LINGO2: variants seen among roughly 807,000 people sequenced by gnomAD.
The protein encoded by LINGO2 is leucine rich repeat and Ig domain containing 2.
LINGO2 carries 14 observed loss-of-function variants against 30.6 expected under a neutral mutation model. The observed-to-expected ratio is 0.46, with a 90% CI of 0.30 to 0.72. The LOEUF is 0.72. LINGO2 is among the 30% of genes least tolerant of loss of function. LINGO2 has a pLI of 0.07. For missense variants in LINGO2, 729 were observed against 751.7 expected (o/e 0.97, Z 0.35); for synonymous variants, 317 against 288.5 (o/e 1.10, Z -1.00).
chr9:28,889,564 T>C, the LINGO2 span, among the ~76,000 whole-genome samples: 1 of 152,104 alleles, frequency 6.6e-6, no homozygotes, highest in Non-Finnish European at 1.5e-5. Context: ...TATAATGTTA[T>C]TGAAGTTGTC....
At chr9:28,473,428 C>A (rs1181599060) in intron 2 of LINGO2, among the ~76,000 whole-genome samples, 1 of 151,930 alleles carries the variant, frequency 6.6e-6, no homozygotes, top group Non-Finnish European at 1.5e-5. Context: ...CACACACATA[C>A]ACATACACAC....
chr9:28,787,951 A>T, the LINGO2 span, among the ~76,000 whole-genome samples: 2 of 152,178 alleles, frequency 1.3e-5, no homozygotes, highest in African/African-American at 4.8e-5. Flanking sequence ...CAAATGTTTT[A>T]AACAATATCT....
the LINGO2 span, among the ~76,000 whole-genome samples, chr9:29,031,272 G>GGTGATTT: frequency 6.8e-6 from 1 of 146,370 alleles, no homozygotes; most frequent in Admixed American, 6.9e-5. Flanking sequence ...TGGTGGTGGT[G>GGTGATTT]ATTTATTTAT....
chr9:28,012,335 T>G (rs1340604420), intron 5 of LINGO2: 1 of 152,112 alleles, frequency 6.6e-6, no homozygotes, highest in African/African-American at 2.4e-5. Flanking sequence ...AATGGAGAGT[T>G]TAAAAAGTTT....
intron 5 of LINGO2, among the ~76,000 whole-genome samples, chr9:27,974,687 T>A (rs577158966): frequency 6.6e-6 from 1 of 152,256 alleles, no homozygotes; most frequent in Admixed American, 6.5e-5. Flanking sequence ...CCATAAACAG[T>A]TGGGCTTAAC....
At chr9:28,659,192 G>T (rs1828486270) in intron 1 of LINGO2, among the ~76,000 whole-genome samples, 1 of 151,916 alleles carries the variant, frequency 6.6e-6, no homozygotes. Context: ...CAGAAGAAAA[G>T]AAGACTGAAA....
the LINGO2 span, among the ~76,000 whole-genome samples, chr9:29,075,348 T>C: frequency 6.6e-6 from 1 of 152,210 alleles, no homozygotes; most frequent in African/African-American, 2.4e-5. Flanking sequence ...ATAAACATTC[T>C]CTTTTCATTC....
chr9:29,039,053 A>G, the LINGO2 span, among the ~76,000 whole-genome samples: 2 of 152,164 alleles, frequency 1.3e-5, no homozygotes, highest in African/African-American at 4.8e-5. Flanking sequence ...CTGTCTTTTC[A>G]GGTTGATCTA....
chr9:28,327,009 G>T (rs1011820967), intron 3 of LINGO2, among the ~76,000 whole-genome samples: 1 of 152,158 alleles, frequency 6.6e-6, no homozygotes, highest in Non-Finnish European at 1.5e-5. Context: ...GATCTTCAAT[G>T]TGGTGGCATT....
Position 28,476,712 on chromosome 9 carries a change from G to A in LINGO2, c.-364-687C>T, listed in dbSNP as rs114259069. Among the ~76,000 whole-genome samples the A allele has an allele frequency of 7.6e-4, 116 of 152,248 alleles. 1 individual carries two copies. Among genetic ancestry groups the A allele is most frequent in the African/African-American group, 2.5e-3 (105 of 41,566 alleles). ...AACGTAATGAAGAGAAAACAGACCG[G>A]AAGGAGACAAGACTTGCTGTGTCCG... On this transcript the variant is annotated intron_variant, in intron 1 of 5. Transcript: ENST00000379992.
the LINGO2 span, among the ~76,000 whole-genome samples, chr9:29,038,211 T>C: frequency 2.6e-5 from 4 of 152,094 alleles, no homozygotes; most frequent in African/African-American, 7.2e-5. Flanking sequence ...TCCAAAGTGG[T>C]TGTATCGGTT....
chr9:28,527,665 C>T (rs1821085708), intron 1 of LINGO2, among the ~76,000 whole-genome samples: 1 of 152,152 alleles, frequency 6.6e-6, no homozygotes, highest in Non-Finnish European at 1.5e-5. Context: ...GGACGACATA[C>T]CCCTGCTCTG....
chr9:29,081,393 A>G, the LINGO2 span, among the ~76,000 whole-genome samples: 1 of 152,202 alleles, frequency 6.6e-6, no homozygotes, highest in Non-Finnish European at 1.5e-5. Flanking sequence ...CCTTCATGCT[A>G]TAAACGCTCA....
the LINGO2 span, among the ~76,000 whole-genome samples, chr9:29,130,733 C>G: frequency 6.6e-6 from 1 of 150,950 alleles, no homozygotes; most frequent in Non-Finnish European, 1.5e-5. Context: ...CCAGCAACCC[C>G]AAATCAGGCC....
At chr9:28,104,266 GTTTTTT>G (rs74180789) in intron 4 of LINGO2, among the ~76,000 whole-genome samples, 1 of 97,430 alleles carries the variant, frequency 1.0e-5, no homozygotes, top group African/African-American at 3.8e-5. Context: ...TTTTTTGTTT[GTTTTTT>G]TTTTTTTTTT....
At chr9:29,082,062 G>T in the LINGO2 span, among the ~76,000 whole-genome samples, 1 of 152,128 alleles carries the variant, frequency 6.6e-6, no homozygotes, top group Middle Eastern at 3.4e-3. Context: ...TTTCTTCACA[G>T]AATTGGAAAA....
Position 28,665,887 on chromosome 9 carries a change from G to A in LINGO2, c.-365+4313C>T, listed in dbSNP as rs187766711. Among the ~76,000 whole-genome samples the A allele has an allele frequency of 2.9e-3, 430 of 146,350 alleles. 3 individuals are homozygous for A. Among genetic ancestry groups the A allele is most frequent in the African/African-American group, 0.01 (417 of 40,186 alleles). ...GAGTACCAGACCATAGATATTTGGT[G>A]TTACTTTTTTTTTTTTTTTTTTGAG... On this transcript the variant is annotated intron_variant, in intron 1 of 5. Coordinates refer to ENST00000379992, the Ensembl canonical transcript of LINGO2.
At chr9:29,020,096 T>G in the LINGO2 span, among the ~76,000 whole-genome samples, 1 of 152,166 alleles carries the variant, frequency 6.6e-6, no homozygotes, top group Non-Finnish European at 1.5e-5. Context: ...TAATGGGAGA[T>G]CCAATATAAA....
chr9:28,572,487 C>A (rs1823743082), intron 1 of LINGO2, among the ~76,000 whole-genome samples: 1 of 152,046 alleles, frequency 6.6e-6, no homozygotes. Flanking sequence ...AAATCCAGTA[C>A]AAACTGATCT....
Sources: gnomAD v4.1 joint callset for allele counts (sites outside exome capture counted in the v4.1 genomes callset) on GRCh38, gnomAD v4.1.1 for gene constraint, MANE v1.5 for transcripts, NCBI Gene and HGNC (gene_info 2026-07-23, HGNC 2026-07-21) for gene names.